Variants in TRAIP observed in about 807,000 individuals in gnomAD.
The protein encoded by TRAIP is E3 ubiquitin-protein ligase TRAIP.
Under a neutral mutation model 65.0 loss-of-function variants are expected in TRAIP, and 37 were observed. The ratio of observed to expected loss-of-function variants is 0.57; its 90% CI spans 0.44 to 0.75. The LOEUF (loss-of-function observed/expected upper bound fraction) is 0.75. Ranked by LOEUF, TRAIP falls within the 30% of genes least tolerant of loss-of-function variation. The pLI, the probability that TRAIP is intolerant of heterozygous loss-of-function variation, is 0.00. For synonymous variants in TRAIP, 187 were observed against 219.1 expected, an observed-to-expected ratio of 0.85 and a Z score of 1.29; for missense variants, 481 against 579.4, an observed-to-expected ratio of 0.83 and a Z score of 1.74.
intron 10 of TRAIP, among the ~76,000 whole-genome samples, chr3:49,835,716 G>C (rs1340843277): frequency 6.6e-6 from 1 of 151,942 alleles, no homozygotes; most frequent in Non-Finnish European, 1.5e-5. Flanking sequence ...GAGGTGGGTG[G>C]ATCACAAGGT....
At chr3:49,835,244 A>C (rs2081771722) in intron 10 of TRAIP, among the ~76,000 whole-genome samples, 1 of 152,210 alleles carries the variant, frequency 6.6e-6, no homozygotes, top group African/African-American at 2.4e-5. Context: ...TTCAGCCCTA[A>C]AAAGGAAGAA....
At chr3:49,849,045 A>G (rs191462805) in intron 1 of TRAIP, among the ~76,000 whole-genome samples, 13 of 152,102 alleles carry the variant, frequency 8.5e-5, no homozygotes, top group African/African-American at 2.9e-4. Flanking sequence ...GGGTTTCACC[A>G]TGTTGGCCAG....
At chr3:49,847,852 C>CA (rs1213339308) in intron 2 of TRAIP, among the ~76,000 whole-genome samples, 1 of 152,178 alleles carries the variant, frequency 6.6e-6, no homozygotes, top group Admixed American at 6.5e-5. Context: ...GTTAAGTGCT[C>CA]AAAAGATACC....
At chr3:49,835,994 G>A (rs938708367) in intron 10 of TRAIP, among the ~76,000 whole-genome samples, 16 of 150,024 alleles carry the variant, frequency 1.1e-4, no homozygotes, top group East Asian at 2.0e-4. Flanking sequence ...CGACAGTCTC[G>A]CTCTGTCATC....
intron 8 of TRAIP, 142 bp downstream of exon 8, chr3:49,840,843 G>A (rs2081833104): frequency 2.6e-6 from 2 of 763,192 alleles, no homozygotes; most frequent in African/African-American, 1.7e-5. Flanking sequence ...AGTAAGGACT[G>A]GTAACAAATT....
At position 49,841,939 on chromosome 3, in the gene TRAIP, C is replaced by G. The variant is rs762439315; in HGVS notation, c.504G>C (p.Gln168His). 1 of 1,613,842 alleles carries G rather than the reference C, an allele frequency of 6.2e-7. No individual in the cohort carries two copies. Among genetic ancestry groups the G allele is most frequent in the Admixed American group, 1.7e-5 (1 of 60,030 alleles). ...GCTGGCTCTGGAGTAGAAGCTCAAT[C>G]CTGAAAAATACACCCAGCCCACGGC... ...RLRSKMKTME[Q>H]IELLLQSQRP... Residue 168 changes from glutamine (Q) to histidine (H), a missense_variant and splice_region_variant, in exon 7 of 15, where the codon CAG becomes CAC. By Grantham distance (24) the Gln-to-His change is conservative. Transcript: ENST00000331456.
At position 49,829,141 on chromosome 3, in the gene TRAIP, GA is replaced by G. The variant is rs1261849274; in HGVS notation, c.1371del (p.Leu458SerfsTer80). ...KQRVRVKTVP[S>X]LFQAKLDTFL... ...AAGGTGTCCAGCTTGGCCTGGAAGA[GA>G]GAAGGCACTGTCTTCACCCTCACCC... On this transcript the variant is annotated frameshift_variant, in exon 15 of 15. Transcript: ENST00000331456. LOFTEE classifies it high-confidence loss of function. The G allele has an allele frequency of 1.2e-6, 2 of 1,614,232 alleles. No homozygotes were observed. The highest frequency in any genetic ancestry group is 1.7e-6 in the Non-Finnish European group (2 of 1,180,048).
rs768350597 is a variant in TRAIP at position 49,856,377 on chromosome 3, C to G, written c.77G>C (p.Gly26Ala). Reference protein sequence around the residue: ...HSRDVAAIHCGHTFHLQCLIQ... With the variant: ...HSRDVAAIHCAHTFHLQCLIQ... The stretch of plus-strand genomic sequence containing the variant: ...TCACCACTGCAAGTGGAAGGTGTGG[C>G]CGCAGTGGATGGCGGCCACGTCGCG... Residue 26 changes from glycine to alanine, a missense_variant, in exon 1 of 15, where the codon GGC (glycine) becomes GCC (alanine). Physicochemically the swap from Gly to Ala is moderately conservative, Grantham distance 60. Transcript: ENST00000331456. 6 of 1,613,796 alleles carry G rather than the reference C, an allele frequency of 3.7e-6. No individual in the cohort carries two copies. Among genetic ancestry groups the G allele is most frequent in the Non-Finnish European group, 5.1e-6 (6 of 1,179,884 alleles).
rs2081705733 is a variant in TRAIP, at chr3:49,828,863, G to A, written c.*240C>T. 2 of 524,532 alleles carry A rather than the reference G, an allele frequency of 3.8e-6. No homozygotes were observed. The highest frequency in any genetic ancestry group is 6.9e-6 in the Non-Finnish European group (2 of 288,642). The allele number at this position is 524,532 out of a possible 1,614,324, so 32.5% of individuals were successfully genotyped here. ...GCTATAAACAGGAGCCTGGCAACAGGAGCAGGACCTGCTGACAGGATCAGT... is the reference window on the plus strand; with the variant it reads ...GCTATAAACAGGAGCCTGGCAACAGAAGCAGGACCTGCTGACAGGATCAGT... On this transcript the variant is annotated 3_prime_UTR_variant, in exon 15 of 15. Transcript: ENST00000331456.
At chr3:49,836,997 G>A (rs1308766036) in intron 10 of TRAIP, among the ~76,000 whole-genome samples, 1 of 122,260 alleles carries the variant, frequency 8.2e-6, no homozygotes, top group Non-Finnish European at 1.6e-5. Flanking sequence ...TCACTCTGTC[G>A]CCCAGACTAG....
In TRAIP at chr3:49,848,331, C is replaced by T. The variant is rs1397854201; in HGVS notation, c.99-131G>A. On this transcript the variant is annotated intron_variant, in intron 1 of 14. Coordinates refer to ENST00000331456, the MANE Select transcript of TRAIP (RefSeq NM_005879.3). The stretch of plus-strand genomic sequence containing the variant: ...CCCAATGCCTGCCCAAATAAGAGGA[C>T]AGTAGCATAGGCAGTTACAGCACCT... The T allele has an allele frequency of 7.6e-5, 71 of 935,908 alleles. No homozygotes were observed. In the South Asian group the frequency reaches 1.0e-3, roughly 13 times the overall value. The allele number at this position is 935,908 out of a possible 1,614,324, so 58.0% of individuals were successfully genotyped here.
chr3:49,835,646 A>C (rs1239007190), intron 10 of TRAIP, among the ~76,000 whole-genome samples: 1 of 152,182 alleles, frequency 6.6e-6, no homozygotes, highest in Non-Finnish European at 1.5e-5. Context: ...TAAAAAACTT[A>C]AGAAACTTCT....
intron 7 of TRAIP, 79 bp from the exon 8 acceptor site, chr3:49,841,151 A>C: frequency 8.3e-7 from 1 of 1,207,460 alleles, no homozygotes. Context: ...ATCTAACACA[A>C]AGCACTGCCC....
chr3:49,830,227 G>T (rs1031831556), intron 11 of TRAIP, among the ~76,000 whole-genome samples, 159 bp from the exon 12 acceptor site: 2 of 152,230 alleles, frequency 1.3e-5, no homozygotes, highest in Non-Finnish European at 2.9e-5. Context: ...CCAAGTGCAG[G>T]TCTGTTAACA....
chr3:49,831,785 C>G, intron 11 of TRAIP, 131 bp downstream of exon 11: 1 of 1,092,294 alleles, frequency 9.2e-7, no homozygotes. Context: ...TAGCTGGAAC[C>G]AAAGCCATGG....
chr3:49,829,601 G>A lies in TRAIP; in HGVS notation c.1236+16C>T. Reference sequence around the variant, plus strand: ...CAAGAGGGCTGGCTCCTGCCACTGTGGGAAGCCACACTCACCACATCTTTG... The same window carrying A: ...CAAGAGGGCTGGCTCCTGCCACTGTAGGAAGCCACACTCACCACATCTTTG... On this transcript the variant is annotated intron_variant, in intron 13 of 14. Coordinates refer to ENST00000331456, the MANE Select transcript of TRAIP (RefSeq NM_005879.3). 6.2e-7 allele frequency: 1 copy of A among 1,614,172 alleles called. No individual in the cohort carries two copies. The highest frequency in any genetic ancestry group is 8.5e-7 in the Non-Finnish European group (1 of 1,180,012).
intron 1 of TRAIP, among the ~76,000 whole-genome samples, chr3:49,853,150 A>G (rs2081947756): frequency 6.6e-6 from 1 of 152,108 alleles, no homozygotes; most frequent in Non-Finnish European, 1.5e-5. Context: ...AGAAAAAGGT[A>G]AAAAGAAATT....
intron 5 of TRAIP, 61 bp from the exon 6 acceptor site, chr3:49,842,608 C>T: frequency 1.3e-6 from 2 of 1,499,898 alleles, no homozygotes. Flanking sequence ...TTGCTAAAGT[C>T]ACTAGGAAAA....
At chr3:49,848,267 C>G in intron 1 of TRAIP, 67 bp from the exon 2 acceptor site, 1 of 1,554,776 alleles carries the variant, frequency 6.4e-7, no homozygotes, top group South Asian at 1.1e-5. Flanking sequence ...GCCAGGCAAA[C>G]ATTCTGACCA....
Sources: allele counts gnomAD v4.1 joint callset (sites outside exome capture counted in the v4.1 genomes callset), GRCh38; gene constraint gnomAD v4.1.1; transcripts MANE v1.5; gene names NCBI Gene and HGNC (gene_info 2026-07-23, HGNC 2026-07-21).